The following ATP2B2 variants were observed in gnomAD, a reference collection of about 807,000 sequenced individuals.
ATP2B2 encodes ATPase plasma membrane Ca2+ transporting 2.
A neutral mutation model predicts 120.0 loss-of-function variants in ATP2B2; 15 were observed. That is an observed-to-expected ratio of 0.12 (90% CI 0.08 to 0.19). The LOEUF (loss-of-function observed/expected upper bound fraction) is 0.19. Among genes scored for constraint, ATP2B2 ranks in the 10% least tolerant of loss-of-function variants. ATP2B2 has a pLI of 1.00. For synonymous variants in ATP2B2, 694 were observed against 700.3 expected (o/e 0.99, Z 0.14); for missense variants, 1,045 against 1,719.8 (o/e 0.61, Z 6.94).
intron 12 of ATP2B2, among the ~76,000 whole-genome samples, chr3:10,361,245 T>C (rs966974262): frequency 3.9e-5 from 6 of 152,212 alleles, no homozygotes; most frequent in Middle Eastern, 3.2e-3. Context: ...ATGAGACTCC[T>C]GACCTCAAGT....
Position 10,593,854 on chromosome 3 carries a change from A to T in ATP2B2, c.-415+26063T>A, listed in dbSNP as rs185887163. 1.5e-4 allele frequency among the ~76,000 whole-genome samples: 23 copies of T among 151,122 alleles called. No homozygotes were observed. In the East Asian group the frequency reaches 4.6e-3, roughly 30 times the overall value. On this transcript the variant is annotated intron_variant, in intron 2 of 21. Transcript: ENST00000646379. ...AATACCCAGAATCTACAAAGAACTC[A>T]AACAAATTTACAAGAAAAAAAACCA...
intron 3 of ATP2B2, among the ~76,000 whole-genome samples, chr3:10,523,075 G>T (rs570022425): frequency 5.4e-4 from 82 of 152,204 alleles, no homozygotes; most frequent in Non-Finnish European, 1.0e-3. Flanking sequence ...AGAGTGAAAG[G>T]CTCTTGAGCC....
intron 1 of ATP2B2, among the ~76,000 whole-genome samples, chr3:10,686,861 C>T (rs1403212810): frequency 2.0e-5 from 3 of 152,186 alleles, no homozygotes; most frequent in Middle Eastern, 3.2e-3. Flanking sequence ...AGCCACTAAG[C>T]CACTAGTTCT....
intron 1 of ATP2B2, among the ~76,000 whole-genome samples, chr3:10,461,553 C>T (rs1482906001): frequency 1.3e-5 from 2 of 152,170 alleles, no homozygotes; most frequent in Non-Finnish European, 2.9e-5. Context: ...CAGGGCTTCT[C>T]AAAGTGGTTC....
At chr3:10,395,082 C>T (rs773134561) in intron 5 of ATP2B2, among the ~76,000 whole-genome samples, 2 of 152,160 alleles carry the variant, frequency 1.3e-5, no homozygotes, top group Non-Finnish European at 2.9e-5. Flanking sequence ...TGGGATAGGA[C>T]CAGGGTCCTC....
At chr3:10,637,048 G>A (rs2070040875) in intron 1 of ATP2B2, among the ~76,000 whole-genome samples, 1 of 152,294 alleles carries the variant, frequency 6.6e-6, no homozygotes. Flanking sequence ...ATTCATGGAC[G>A]TTGAGTTGAG....
intron 1 of ATP2B2, among the ~76,000 whole-genome samples, chr3:10,624,482 CT>C (rs2069638608): frequency 6.6e-6 from 1 of 152,158 alleles, no homozygotes; most frequent in African/African-American, 2.4e-5. Context: ...GGGATTGTGC[CT>C]GGACACTGGT....
intron 1 of ATP2B2, among the ~76,000 whole-genome samples, chr3:10,479,351 T>G (rs78231279): frequency 1.3e-5 from 2 of 151,684 alleles, no homozygotes; most frequent in African/African-American, 4.8e-5. Flanking sequence ...ATGGCCTTTG[T>G]CTGTTCTGTT....
intron 21 of ATP2B2, among the ~76,000 whole-genome samples, chr3:10,339,186 G>A (rs2060208979): frequency 2.0e-5 from 3 of 152,222 alleles, no homozygotes; most frequent in Admixed American, 2.0e-4. Flanking sequence ...GCCCCCAAGA[G>A]CCTCCTGTAG....
At chr3:10,692,910 C>T (rs939270470) in intron 1 of ATP2B2, among the ~76,000 whole-genome samples, 1 of 152,094 alleles carries the variant, frequency 6.6e-6, no homozygotes, top group Admixed American at 6.6e-5. Flanking sequence ...GGTGACTGGG[C>T]CTTACTCACT....
intron 1 of ATP2B2, among the ~76,000 whole-genome samples, chr3:10,478,954 G>T (rs998312131): frequency 6.6e-6 from 1 of 152,134 alleles, no homozygotes; most frequent in Non-Finnish European, 1.5e-5. Context: ...GTTTAAAAGT[G>T]GCACTTCCCC....
chr3:10,597,830 G>A (rs186868106), intron 2 of ATP2B2, among the ~76,000 whole-genome samples: 4 of 152,250 alleles, frequency 2.6e-5, no homozygotes, highest in East Asian at 1.9e-4. Flanking sequence ...TGTTGCCATC[G>A]TCCTGAAGCC....
At chr3:10,638,861 AG>A (rs1364535461) in intron 1 of ATP2B2, among the ~76,000 whole-genome samples, 1 of 152,258 alleles carries the variant, frequency 6.6e-6, no homozygotes, top group Non-Finnish European at 1.5e-5. Context: ...GGGATAAAGA[AG>A]GTAATTTCAA....
chr3:10,453,761 A>G (rs2064150566), intron 1 of ATP2B2, among the ~76,000 whole-genome samples: 3 of 152,202 alleles, frequency 2.0e-5, no homozygotes, highest in African/African-American at 7.2e-5. Flanking sequence ...ATCTGTGATC[A>G]CAACAGTAGG....
intron 14 of ATP2B2, among the ~76,000 whole-genome samples, chr3:10,356,214 G>C (rs1342740261): frequency 6.6e-6 from 1 of 151,428 alleles, no homozygotes; most frequent in African/African-American, 2.4e-5. Flanking sequence ...CCCTGAGGCA[G>C]GGAGGCAGAA....
rs777945206 is a variant in ATP2B2 at position 10,375,932 on chromosome 3, A to T, written c.1202-288T>A. On this transcript the variant is annotated intron_variant, in intron 10 of 22. Transcript: ENST00000360273. The surrounding 1 kb of genome is among the most constrained non-coding windows in gnomAD (Gnocchi z 4.2). ...AGTGCCCAGCATAGTGCTCGGCAAT[A>T]GTATGTGCTCGACACATAGTAGGTG... 1.4e-4 allele frequency among the ~76,000 whole-genome samples: 22 copies of T among 152,366 alleles called. No individual in the cohort carries two copies. Among genetic ancestry groups the T allele is most frequent in the Middle Eastern group, 3.4e-3 (1 of 294 alleles).
At chr3:10,483,845 C>T (rs1353737829) in intron 1 of ATP2B2, among the ~76,000 whole-genome samples, 2 of 152,228 alleles carry the variant, frequency 1.3e-5, no homozygotes, top group East Asian at 1.9e-4. Flanking sequence ...GAGCCACCCA[C>T]GGAAGGACTT....
rs1322308785 is a variant in ATP2B2, at chr3:10,402,195, C to T, written c.551G>A (p.Ser184Asn). The T allele has an allele frequency of 6.2e-7, 1 of 1,614,236 alleles. No individual in the cohort carries two copies. Among genetic ancestry groups the T allele is most frequent in the Admixed American group, 1.7e-5 (1 of 60,034 alleles). The change falls in exon 4 of 23, where the codon AGC (serine) becomes AAC (asparagine). Residue 184 changes from serine to asparagine, a missense_variant. By Grantham distance (46) the Ser-to-Asn change is conservative (BLOSUM62 1). Coordinates refer to ENST00000360273, the MANE Select transcript of ATP2B2 (RefSeq NM_001001331.4). This position sits in a 1 kb window ranked among gnomAD's most constrained non-coding sequence, Gnocchi z 4.9. ...SKEKQFRGLQ[S>N]RIEQEQKFTV... ...AAATTTCTGTTCCTGCTCGATGCGG[C>T]TCTGCAGGCCCCGGAACTGTTTCTC... is the stretch of plus-strand genomic sequence containing the variant.
intron 2 of ATP2B2, among the ~76,000 whole-genome samples, chr3:10,437,412 A>T (rs2063511524): frequency 6.6e-6 from 1 of 152,300 alleles, no homozygotes; most frequent in South Asian, 2.1e-4. Flanking sequence ...ACAGATTCTG[A>T]GAGGTGATGT....
Sources: allele counts gnomAD v4.1 joint callset (sites outside exome capture counted in the v4.1 genomes callset), GRCh38; gene constraint gnomAD v4.1.1; non-coding constraint Gnocchi (gnomAD v3.1); transcripts MANE v1.5; gene names NCBI Gene and HGNC (gene_info 2026-07-23, HGNC 2026-07-21).